The following PARD3B variants were observed in gnomAD, a reference collection of about 807,000 sequenced individuals.
The protein encoded by PARD3B is par-3 family cell polarity regulator beta.
PARD3B carries 103 observed loss-of-function variants against 130.2 expected under a neutral mutation model. The ratio of observed to expected loss-of-function variants is 0.79; its 90% CI spans 0.67 to 0.93. The LOEUF is 0.93. PARD3B is among the 40% of genes least tolerant of loss of function. PARD3B has a pLI of 0.00. For missense variants in PARD3B, 1,609 were observed against 1,499.2 expected (o/e 1.07, Z -1.21); for synonymous variants, 583 against 553.2 (o/e 1.05, Z -0.76).
intron 15 of PARD3B, among the ~76,000 whole-genome samples, chr2:205,235,307 A>T (rs760583187): frequency 1.3e-5 from 2 of 152,124 alleles, no homozygotes; most frequent in Non-Finnish European, 2.9e-5. Flanking sequence ...CTGTAGTCCT[A>T]GCTACTCGGG....
Position 205,245,712 on chromosome 2 carries a change from A to G in PARD3B, c.2141-66A>G, listed in dbSNP as rs1026348534. The G allele has an allele frequency of 2.8e-5, 35 of 1,256,350 alleles. No homozygotes were observed. In the African/African-American group the frequency reaches 4.2e-4, roughly 15 times the overall value. 77.8% of individuals were successfully genotyped at this position (1,256,350 alleles called of 1,614,324 possible). A position where few individuals can be genotyped will look rare whatever the true frequency, so the allele number is the denominator to read the frequency against. The stretch of plus-strand genomic sequence containing the variant: ...ACTTATTATGAATCTGCATTAATTT[A>G]CTGTTTAAAAATTGTCTGATTTACA... On this transcript the variant is annotated intron_variant, in intron 15 of 22. Transcript: ENST00000406610.
Position 205,158,864 on chromosome 2 carries a change from G to A in PARD3B, c.1577G>A (p.Gly526Glu), listed in dbSNP as rs770618391. 6.2e-7 allele frequency: 1 copy of A among 1,614,010 alleles called. No individual in the cohort carries two copies. The highest frequency in any genetic ancestry group is 8.5e-7 in the Non-Finnish European group (1 of 1,179,996). ...NKSRETGTDLGIFIKSIIHGG... is the reference protein window; with the variant it reads ...NKSRETGTDLEIFIKSIIHGG... ...TCCAGAGAAACTGGAACAGACTTGGGGATTTTTATCAAATCCATCATTCAT... is the reference window on the plus strand; with the variant it reads ...TCCAGAGAAACTGGAACAGACTTGGAGATTTTTATCAAATCCATCATTCAT... The change falls in exon 11 of 23, where the codon GGG becomes GAG. Residue 526 changes from glycine to glutamate, a missense_variant. Transcript: ENST00000406610. The surrounding 1 kb of genome is among the most constrained non-coding windows in gnomAD (Gnocchi z 5.4).
chr2:204,668,025 T>C lies in PARD3B; in HGVS notation c.121-18156T>C, dbSNP rs557199402. On this transcript the variant is annotated intron_variant, in intron 1 of 22. Transcript: ENST00000406610. ...GGATCATTTGATAATAAACCTACATTTCTGTTGTGGAAGGAGGTGTAAATA... is the reference window on the plus strand; with the variant it reads ...GGATCATTTGATAATAAACCTACATCTCTGTTGTGGAAGGAGGTGTAAATA... Among the ~76,000 whole-genome samples, 36 of 152,286 alleles carry C rather than the reference T, an allele frequency of 2.4e-4. No homozygotes were observed. In the South Asian group the frequency reaches 7.0e-3, roughly 30 times the overall value.
At chr2:205,365,485 C>T (rs2044571914) in intron 18 of PARD3B, among the ~76,000 whole-genome samples, 1 of 150,780 alleles carries the variant, frequency 6.6e-6, no homozygotes, top group South Asian at 2.1e-4. Flanking sequence ...AGACACAGGC[C>T]TGCTGTCTTC....
intron 1 of PARD3B, among the ~76,000 whole-genome samples, chr2:204,643,138 G>GAAAAAAAAAAAAAAAAAA (rs2035151627): frequency 2.1e-4 from 8 of 37,864 alleles, no homozygotes; most frequent in Non-Finnish European, 5.2e-4. Flanking sequence ...AAAAAAAAAT[G>GAAAAAAAAAAAAAAAAAA]TTTGGCACCT....
intron 2 of PARD3B, among the ~76,000 whole-genome samples, chr2:204,884,429 C>T (rs1437877369): frequency 1.3e-5 from 2 of 151,998 alleles, no homozygotes; most frequent in Non-Finnish European, 1.5e-5. Flanking sequence ...AGAAAATTTC[C>T]TTTTGGAAAT....
At chr2:205,536,471 G>A (rs530424379) in intron 21 of PARD3B, among the ~76,000 whole-genome samples, 1 of 152,200 alleles carries the variant, frequency 6.6e-6, no homozygotes, top group East Asian at 1.9e-4. Flanking sequence ...TGTTCCCCAC[G>A]GTTGACCCTC....
At chr2:205,583,413 G>A (rs1352496727) in intron 22 of PARD3B, among the ~76,000 whole-genome samples, 10 of 30,990 alleles carry the variant, frequency 3.2e-4, no homozygotes, top group Non-Finnish European at 8.7e-4. Flanking sequence ...GCGCGCACGC[G>A]CGTGTGAGAG....
intron 3 of PARD3B, among the ~76,000 whole-genome samples, chr2:204,980,191 C>G (rs1692542905): frequency 6.6e-6 from 1 of 152,114 alleles, no homozygotes; most frequent in Non-Finnish European, 1.5e-5. Flanking sequence ...ATAAAATGGC[C>G]AGTAGATTTA....
rs758685629 is a variant in PARD3B, at chr2:205,021,619, TCC to T, written c.395-25960_395-25959del. Among the ~76,000 whole-genome samples the T allele has an allele frequency of 1.4e-5, 2 of 140,502 alleles. No homozygotes were observed. The highest frequency in any genetic ancestry group is 5.3e-5 in the African/African-American group (2 of 37,994). The allele number at this position is 140,502 out of a possible 152,430, so 92.2% of individuals were successfully genotyped here. A position where few individuals can be genotyped will look rare whatever the true frequency, so the allele number is the denominator to read the frequency against. On this transcript the variant is annotated intron_variant, in intron 3 of 22. Transcript: ENST00000406610. The surrounding 1 kb of genome is among the most constrained non-coding windows in gnomAD (Gnocchi z 4.5). ...TTCTCTCTCTCTCTCTCTCTCTCTC[TCC>T]CTCTCTCTTTCTCTCTCTCTCTCTC...
At chr2:204,552,491 C>G (rs1027025446) in intron 1 of PARD3B, among the ~76,000 whole-genome samples, 6 of 152,166 alleles carry the variant, frequency 3.9e-5, no homozygotes, top group Non-Finnish European at 2.9e-5. Flanking sequence ...ATACTAAACA[C>G]CTTCAGTTCA....
chr2:204,747,341 A>C, intron 2 of PARD3B, among the ~76,000 whole-genome samples: 1 of 152,136 alleles, frequency 6.6e-6, no homozygotes. Context: ...ATTGCTTCAA[A>C]GAGAATAAAA....
At chr2:205,189,786 T>C (rs1391615934) in intron 14 of PARD3B, among the ~76,000 whole-genome samples, 1 of 152,220 alleles carries the variant, frequency 6.6e-6, no homozygotes. Context: ...CTATGACTTA[T>C]ATTACACTCA....
intron 1 of PARD3B, among the ~76,000 whole-genome samples, chr2:204,659,212 C>G (rs904229139): frequency 6.6e-6 from 1 of 152,090 alleles, no homozygotes; most frequent in African/African-American, 2.4e-5. Flanking sequence ...TTGGAAGAAC[C>G]TTGGTAATTT....
At chr2:204,911,640 T>C (rs539185330) in intron 2 of PARD3B, among the ~76,000 whole-genome samples, 1 of 152,328 alleles carries the variant, frequency 6.6e-6, no homozygotes, top group Admixed American at 6.5e-5. Flanking sequence ...CTTAATGGCG[T>C]TTCCATCCTT....
intron 3 of PARD3B, among the ~76,000 whole-genome samples, chr2:204,968,228 AT>A: frequency 6.6e-6 from 1 of 152,208 alleles, no homozygotes; most frequent in East Asian, 1.9e-4. Flanking sequence ...GAATCAAGAG[AT>A]TTTTGTGATT....
Position 205,589,336 on chromosome 2 carries a change from T to A in PARD3B, c.3261-26120T>A, listed in dbSNP as rs1446056055. Among the ~76,000 whole-genome samples the A allele has an allele frequency of 6.6e-6, 1 of 152,188 alleles. No homozygotes were observed. The highest frequency in any genetic ancestry group is 2.4e-5 in the African/African-American group (1 of 41,456). On this transcript the variant is annotated intron_variant, in intron 22 of 22. Transcript: ENST00000406610. The surrounding 1 kb of genome is among the most constrained non-coding windows in gnomAD (Gnocchi z 4.1). Reference sequence around the variant, plus strand: ...AAATCCTGAGCCATATCACTCTTTTTATCAAATCACTATGCCACAGGATGA... The same window carrying A: ...AAATCCTGAGCCATATCACTCTTTTAATCAAATCACTATGCCACAGGATGA...
chr2:204,853,819 A>C (rs2044808166), intron 2 of PARD3B, among the ~76,000 whole-genome samples: 1 of 152,220 alleles, frequency 6.6e-6, no homozygotes, highest in Non-Finnish European at 1.5e-5. Flanking sequence ...ACATTTTAAT[A>C]AATAATACAC....
intron 1 of PARD3B, among the ~76,000 whole-genome samples, chr2:204,554,381 C>T (rs1217396830): frequency 1.3e-5 from 2 of 152,008 alleles, no homozygotes; most frequent in Non-Finnish European, 2.9e-5. Context: ...TCCTAATCCC[C>T]AACTCCAAAT....
Sources: allele counts gnomAD v4.1 joint callset (sites outside exome capture counted in the v4.1 genomes callset), GRCh38; gene constraint gnomAD v4.1.1; non-coding constraint Gnocchi (gnomAD v3.1); transcripts MANE v1.5; gene names NCBI Gene and HGNC (gene_info 2026-07-23, HGNC 2026-07-21).